Variants in CDC42BPA observed in about 807,000 individuals in gnomAD.
CDC42BPA encodes CDC42 binding protein kinase alpha.
In CDC42BPA, 80 loss-of-function variants were observed where a neutral mutation model predicts 223.5. The observed-to-expected ratio is 0.36, with a 90% CI of 0.30 to 0.43. CDC42BPA has a LOEUF of 0.43. Ranked by LOEUF, CDC42BPA falls within the 20% of genes least tolerant of loss-of-function variation. The pLI is 1.00. For synonymous variants in CDC42BPA, 694 were observed against 718.6 expected, an observed-to-expected ratio of 0.97 and a Z score of 0.55; for missense variants, 1,743 against 2,099.9, an observed-to-expected ratio of 0.83 and a Z score of 3.32.
In CDC42BPA at chr1:227,100,615, C is replaced by G. The variant is rs1395947855; in HGVS notation, c.2249+377G>C. 2.0e-5 allele frequency among the ~76,000 whole-genome samples: 3 copies of G among 151,244 alleles called. No individual in the cohort carries two copies. In the East Asian group the frequency reaches 5.8e-4, roughly 29 times the overall value. On this transcript the variant is annotated intron_variant, in intron 15 of 36. Coordinates refer to ENST00000366766, the MANE Select transcript of CDC42BPA (RefSeq NM_001394014.1). ...ATCGTTTCTTTCTTTCTTTTTTTCCCTGGTAGAGATAGGGTTTTACTATGT... is the reference window on the plus strand; with the variant it reads ...ATCGTTTCTTTCTTTCTTTTTTTCCGTGGTAGAGATAGGGTTTTACTATGT...
intron 1 of CDC42BPA, among the ~76,000 whole-genome samples, chr1:227,269,527 T>A (rs546278035): frequency 1.1e-3 from 160 of 152,280 alleles, no homozygotes; most frequent in African/African-American, 3.7e-3. Flanking sequence ...TTTATCTATA[T>A]GAAAACTTAA....
At chr1:227,030,220 T>C (rs949675822) in intron 29 of CDC42BPA, among the ~76,000 whole-genome samples, 188 bp downstream of exon 29, 8 of 152,138 alleles carry the variant, frequency 5.3e-5, no homozygotes, top group African/African-American at 1.7e-4. Context: ...TTTGAAGTTT[T>C]AAACCTCAGG....
At chr1:227,307,161 A>C (rs545710926) in intron 1 of CDC42BPA, among the ~76,000 whole-genome samples, 8 of 152,222 alleles carry the variant, frequency 5.3e-5, no homozygotes, top group East Asian at 3.8e-4. Context: ...GTGCACATAT[A>C]AACTCCTCGA....
chr1:227,031,793 T>C (rs1030006426), intron 27 of CDC42BPA, among the ~76,000 whole-genome samples: 4 of 151,996 alleles, frequency 2.6e-5, no homozygotes, highest in African/African-American at 7.2e-5. Context: ...ATTAAATATA[T>C]AACAACAACA....
chr1:227,108,857 G>A (rs905649289), intron 14 of CDC42BPA, among the ~76,000 whole-genome samples: 37 of 152,078 alleles, frequency 2.4e-4, no homozygotes, highest in African/African-American at 8.7e-4. Context: ...AAACCTAGAT[G>A]GTACAGCCTA....
At chr1:227,015,930 C>G (rs1159090601) in intron 34 of CDC42BPA, 150 bp downstream of exon 34, 1 of 545,262 alleles carries the variant, frequency 1.8e-6, no homozygotes, top group Non-Finnish European at 3.2e-6. Context: ...GGTATGTCAT[C>G]ATGTATCTTA....
At chr1:227,176,611 AACTG>A (rs371263388) in intron 5 of CDC42BPA, among the ~76,000 whole-genome samples, 2 of 149,834 alleles carry the variant, frequency 1.3e-5, no homozygotes, top group African/African-American at 4.9e-5. Context: ...TTAGTTCTAC[AACTG>A]ACTATTTAAT....
chr1:227,224,995 A>G (rs1676603897), intron 2 of CDC42BPA, among the ~76,000 whole-genome samples: 1 of 152,196 alleles, frequency 6.6e-6, no homozygotes, highest in Non-Finnish European at 1.5e-5. Flanking sequence ...AAATCTTTAT[A>G]TTCATGGAGC....
chr1:227,097,207 T>C (rs1369120962), intron 15 of CDC42BPA, among the ~76,000 whole-genome samples: 1 of 151,948 alleles, frequency 6.6e-6, no homozygotes, highest in Non-Finnish European at 1.5e-5. Flanking sequence ...CAAAGTACAA[T>C]AGTTTTACCT....
chr1:227,184,873 C>T (rs976789288), intron 5 of CDC42BPA, among the ~76,000 whole-genome samples: 5 of 152,206 alleles, frequency 3.3e-5, no homozygotes, highest in Admixed American at 6.5e-5. Context: ...ATTTCTACTT[C>T]CTCCAAACAA....
Position 227,029,234 on chromosome 1 carries a change from A to G in CDC42BPA, c.3855T>C (p.Gly1285=). 3.2e-6 allele frequency: 5 copies of G among 1,573,414 alleles called. No homozygotes were observed. The African/African-American group carries it at 4.0e-5, about 13-fold the overall frequency. The change falls in exon 30 of 37, where the codon GGT becomes GGC. Residue 1285 remains glycine (G), a synonymous_variant. Coordinates refer to ENST00000366766, the MANE Select transcript of CDC42BPA (RefSeq NM_001394014.1). ...HVTKDEIIRV[G]DNKKIHQIEL... is the part of the protein sequence containing the mutation. ...CAATCTGATGAATCTTCTTATTGTC[A>G]CCAACTCTAATAATTTCTAAACACA...
chr1:227,063,621 T>C (rs1676382820), intron 21 of CDC42BPA, among the ~76,000 whole-genome samples: 1 of 152,136 alleles, frequency 6.6e-6, no homozygotes, highest in Non-Finnish European at 1.5e-5. Flanking sequence ...AAATATGCAA[T>C]CTTCAGGTAG....
At chr1:227,265,862 C>T (rs931411053) in intron 1 of CDC42BPA, among the ~76,000 whole-genome samples, 1 of 152,110 alleles carries the variant, frequency 6.6e-6, no homozygotes, top group Non-Finnish European at 1.5e-5. Flanking sequence ...TGAACTCTAA[C>T]ACTTATAAGC....
At chr1:227,025,238 G>A (rs1436912896) in intron 31 of CDC42BPA, among the ~76,000 whole-genome samples, 1 of 151,410 alleles carries the variant, frequency 6.6e-6, no homozygotes, top group Non-Finnish European at 1.5e-5. Flanking sequence ...GCGAGACCCT[G>A]TCTCAAAAAC....
chr1:227,263,743 G>A (rs986496801), intron 1 of CDC42BPA, among the ~76,000 whole-genome samples: 17 of 151,828 alleles, frequency 1.1e-4, no homozygotes, highest in Non-Finnish European at 1.3e-4. Flanking sequence ...CACCATGCCC[G>A]GCTAATTTTT....
intron 4 of CDC42BPA, among the ~76,000 whole-genome samples, chr1:227,194,760 A>C (rs1400064073): frequency 6.6e-6 from 1 of 152,212 alleles, no homozygotes; most frequent in African/African-American, 2.4e-5. Flanking sequence ...AGAAAACTAG[A>C]CATAGTGGAA....
Position 227,274,826 on chromosome 1 carries a change from T to A in CDC42BPA, c.179-20671A>T, listed in dbSNP as rs139685129. On this transcript the variant is annotated intron_variant, in intron 1 of 36. Transcript: ENST00000366766. Reference sequence around the variant, plus strand: ...TTAAGGCAAAAAGCTTCACTACAGATAATGACTGTCATTAGAAAAAGGTGC... The same window carrying A: ...TTAAGGCAAAAAGCTTCACTACAGAAAATGACTGTCATTAGAAAAAGGTGC... 4.7e-4 allele frequency among the ~76,000 whole-genome samples: 72 copies of A among 152,276 alleles called. No homozygotes were observed. In the East Asian group the frequency reaches 0.014, roughly 29 times the overall value.
At chr1:227,265,003 C>A (rs1684739227) in intron 1 of CDC42BPA, 1 of 827,960 alleles carries the variant, frequency 1.2e-6, no homozygotes, top group South Asian at 1.3e-5. Context: ...TTCTTACATT[C>A]TTTCTGCAAT....
chr1:227,278,426 A>C (rs1188415752), intron 1 of CDC42BPA, among the ~76,000 whole-genome samples: 2 of 152,244 alleles, frequency 1.3e-5, no homozygotes, highest in Non-Finnish European at 2.9e-5. Flanking sequence ...CAAAATGACA[A>C]AAGTAAGACT....
Sources: allele counts gnomAD v4.1 joint callset (sites outside exome capture counted in the v4.1 genomes callset), GRCh38; gene constraint gnomAD v4.1.1; transcripts MANE v1.5; gene names NCBI Gene and HGNC (gene_info 2026-07-23, HGNC 2026-07-21).